The following AHDC1 variants were observed in gnomAD, a reference collection of about 807,000 sequenced individuals.
AHDC1 encodes transcription factor Gibbin.
A neutral mutation model predicts 87.9 loss-of-function variants in AHDC1; 7 were observed. That is an observed-to-expected ratio of 0.08 (90% CI 0.05 to 0.15). The LOEUF (loss-of-function observed/expected upper bound fraction) is 0.15. Among genes scored for constraint, AHDC1 ranks in the 10% least tolerant of loss-of-function variants. The pLI, the probability that AHDC1 is intolerant of heterozygous loss-of-function variation, is 1.00. For missense variants in AHDC1, 1,841 were observed against 2,253.2 expected (o/e 0.82, Z 3.70); for synonymous variants, 1,051 against 1,006.8 (o/e 1.04, Z -0.83).
rs1364466980 is a variant in AHDC1 at position 27,551,661 on chromosome 1, A to C, written c.455T>G (p.Leu152Arg). The change falls in exon 8 of 9, where the codon CTG (leucine) becomes CGG (arginine). Residue 152 changes from leucine (L) to arginine (R), a missense_variant. Physicochemically the swap from Leu to Arg is moderately radical, Grantham distance 102. This residue lies in a region of AHDC1 where 50 missense variants were observed against 104.3 expected (regional missense o/e 0.48). Transcript: ENST00000673934. The part of the protein sequence containing the change: ...GVHLDCGGLR[L>R]SRPPAPPPGD... ...GGGTGGCGGTGCAGGCGGGCGGCTC[A>C]GTCGGAGCCCACCACAGTCCAGGTG... 6.2e-7 allele frequency: 1 copy of C among 1,613,454 alleles called. No individual in the cohort carries two copies. The highest frequency in any genetic ancestry group is 8.5e-7 in the Non-Finnish European group (1 of 1,179,848).
At position 27,549,207 on chromosome 1, in the gene AHDC1, T is replaced by G. The variant is rs748411152; in HGVS notation, c.2909A>C (p.Gln970Pro). ...THPPANTYLP[Q>P]YGGYGAGQSV... Reference sequence around the variant, plus strand: ...TTGTCCGGCCCCATAGCCGCCGTACTGGGGCAGGTAGGTGTTGGCAGGCGG... The same window carrying G: ...TTGTCCGGCCCCATAGCCGCCGTACGGGGGCAGGTAGGTGTTGGCAGGCGG... The change falls in exon 8 of 9, where the codon CAG becomes CCG. Residue 970 changes from glutamine to proline, a missense_variant. Gln to Pro is a moderately conservative substitution (Grantham distance 76). This residue lies in a region of AHDC1 where 378 missense variants were observed against 399.0 expected (regional missense o/e 0.95). Transcript: ENST00000673934. The G allele has an allele frequency of 1.2e-6, 2 of 1,600,906 alleles. No individual in the cohort carries two copies. The highest frequency in any genetic ancestry group is 1.7e-6 in the Non-Finnish European group (2 of 1,173,460).
intron 8 of AHDC1, among the ~76,000 whole-genome samples, chr1:27,536,936 G>C (rs1172713959): frequency 6.6e-6 from 1 of 151,770 alleles, no homozygotes. Flanking sequence ...AGCCCAGCAG[G>C]CGGCTCCTGC....
At chr1:27,600,309 A>AC (rs1205197373) in intron 3 of AHDC1, among the ~76,000 whole-genome samples, 1 of 151,760 alleles carries the variant, frequency 6.6e-6, no homozygotes, top group Non-Finnish European at 1.5e-5. Flanking sequence ...GACCCAGGGG[A>AC]CCCAGAGACA....
At position 27,561,675 on chromosome 1, in the gene AHDC1, AAGAGAGAGAGAGGAAAAGAC is replaced by A. The variant is rs1054805791; in HGVS notation, c.-628-2812_-628-2793del. The stretch of plus-strand genomic sequence containing the variant: ...TTGCAGACACCAGCCGAGACCACAC[AAGAGAGAGAGAGGAAAAGAC>A]AGAGAGAGAGAGCGTGCCAGAGGGA... On this transcript the variant is annotated intron_variant, in intron 3 of 8. Transcript: ENST00000673934. The surrounding 1 kb of genome is among the most constrained non-coding windows in gnomAD (Gnocchi z 4.2). 6.6e-6 allele frequency among the ~76,000 whole-genome samples: 1 copy of A among 151,200 alleles called. No individual in the cohort carries two copies. Among genetic ancestry groups the A allele is most frequent in the African/African-American group, 2.4e-5 (1 of 41,278 alleles).
intron 3 of AHDC1, among the ~76,000 whole-genome samples, chr1:27,580,352 G>A (rs892949164): frequency 3.9e-5 from 6 of 152,260 alleles, no homozygotes; most frequent in African/African-American, 1.2e-4. Context: ...AATGAAATCC[G>A]CATCTCCAGC....
rs764456894 is a variant in AHDC1 at position 27,547,309 on chromosome 1, G to A, written c.4807C>T (p.Leu1603=). The change falls in exon 8 of 9, where the codon CTG becomes TTG. Residue 1603 remains leucine (L), a synonymous_variant. Coordinates refer to ENST00000673934, the MANE Select transcript of AHDC1 (RefSeq NM_001371928.1). This position sits in a 1 kb window ranked among gnomAD's most constrained non-coding sequence, Gnocchi z 4.9. Reference sequence around the variant, plus strand: ...AGTCGGCACTTCAGTTGGCACTACAGGGATGTGACGGTGAATGTGTCCTCG... The same window carrying A: ...AGTCGGCACTTCAGTTGGCACTACAAGGATGTGACGGTGAATGTGTCCTCG... ...HPEDTFTVTS[L] 2 of 1,539,726 alleles carry A rather than the reference G, an allele frequency of 1.3e-6. No homozygotes were observed. The highest frequency in any genetic ancestry group is 2.8e-5 in the African/African-American group (2 of 72,276).
At chr1:27,594,443 T>A (rs2089309084) in intron 3 of AHDC1, among the ~76,000 whole-genome samples, 1 of 152,214 alleles carries the variant, frequency 6.6e-6, no homozygotes, top group Admixed American at 6.5e-5. Context: ...GGCTGGGTAC[T>A]GAGAGTTCCT....
intron 3 of AHDC1, among the ~76,000 whole-genome samples, chr1:27,570,677 G>A (rs1274860991): frequency 6.6e-6 from 1 of 152,210 alleles, no homozygotes; most frequent in African/African-American, 2.4e-5. Context: ...CTGGGACCAG[G>A]TCTGTACCTG....
chr1:27,583,482 A>T (rs1214455822), intron 3 of AHDC1, among the ~76,000 whole-genome samples: 1 of 151,920 alleles, frequency 6.6e-6, no homozygotes, highest in African/African-American at 2.4e-5. Context: ...GAGAAAACCC[A>T]CTCGGGGAGT....
At chr1:27,568,825 T>A (rs2020441187) in intron 3 of AHDC1, among the ~76,000 whole-genome samples, 1 of 150,786 alleles carries the variant, frequency 6.6e-6, no homozygotes, top group Non-Finnish European at 1.5e-5. Context: ...AAACAGGGGA[T>A]CCCCCAGAGA....
chr1:27,577,747 G>T (rs928686039), intron 3 of AHDC1, among the ~76,000 whole-genome samples: 1 of 152,194 alleles, frequency 6.6e-6, no homozygotes, highest in East Asian at 1.9e-4. Context: ...GCTCTCTCAA[G>T]GGTCCAGCTG....
rs775492974 is a variant in AHDC1, at chr1:27,560,044, C to T, written c.-628-1161G>A. On this transcript the variant is annotated intron_variant, in intron 3 of 8. Transcript: ENST00000673934. The surrounding 1 kb of genome is among the most constrained non-coding windows in gnomAD (Gnocchi z 4.1). ...CTGTGTGGGTACATGTGGGCTTAAG[C>T]GTGTCCATGTGTGGGATCACGCGTT... is the stretch of plus-strand genomic sequence containing the variant. 3.9e-5 allele frequency among the ~76,000 whole-genome samples: 6 copies of T among 152,152 alleles called. No individual in the cohort carries two copies. The highest frequency in any genetic ancestry group is 2.1e-4 in the South Asian group (1 of 4,832).
rs775955092 is a variant in AHDC1 at position 27,563,132 on chromosome 1, CGCAT to C, written c.-628-4253_-628-4250del. Among the ~76,000 whole-genome samples, 35 of 151,648 alleles carry C rather than the reference CGCAT, an allele frequency of 2.3e-4. No homozygotes were observed. Among genetic ancestry groups the C allele is most frequent in the Admixed American group, 1.3e-3 (20 of 15,238 alleles). The stretch of plus-strand genomic sequence containing the variant: ...ACCAAGACACACACACACGCACGCA[CGCAT>C]GCATGCACACACCCACACAAAGAAC... On this transcript the variant is annotated intron_variant, in intron 3 of 8. Coordinates refer to ENST00000673934, the MANE Select transcript of AHDC1 (RefSeq NM_001371928.1). The surrounding 1 kb of genome is among the most constrained non-coding windows in gnomAD (Gnocchi z 6.1).
intron 3 of AHDC1, among the ~76,000 whole-genome samples, chr1:27,574,471 T>C (rs1393772368): frequency 6.6e-6 from 1 of 152,210 alleles, no homozygotes; most frequent in Non-Finnish European, 1.5e-5. Context: ...TCTAGTGTTA[T>C]CTAGTTTTTC....
chr1:27,537,844 G>T (rs140918478), intron 8 of AHDC1, among the ~76,000 whole-genome samples: 87 of 152,330 alleles, frequency 5.7e-4, no homozygotes, highest in East Asian at 2.7e-3. Context: ...TCAAGGGGGG[G>T]ACTGGCACTG....
rs1489121979 is a variant in AHDC1 at position 27,565,115 on chromosome 1, T to G, written c.-628-6232A>C. On this transcript the variant is annotated intron_variant, in intron 3 of 8. Coordinates refer to ENST00000673934, the MANE Select transcript of AHDC1 (RefSeq NM_001371928.1). This position sits in a 1 kb window ranked among gnomAD's most constrained non-coding sequence, Gnocchi z 4.6. The stretch of plus-strand genomic sequence containing the variant: ...CGGCGATCTGGGCGGCTGGCAGGCA[T>G]GCTCGCTCCCGCGCAGGGAAGCGGC... 6.6e-6 allele frequency among the ~76,000 whole-genome samples: 1 copy of G among 152,196 alleles called. No individual in the cohort carries two copies. Among genetic ancestry groups the G allele is most frequent in the Admixed American group, 6.5e-5 (1 of 15,286 alleles).
intron 8 of AHDC1, among the ~76,000 whole-genome samples, chr1:27,543,249 C>A (rs975055968): frequency 3.9e-5 from 6 of 152,234 alleles, no homozygotes; most frequent in Non-Finnish European, 5.9e-5. Flanking sequence ...GCCCTTCATA[C>A]CCTCCCACCC....
At chr1:27,538,557 C>A (rs1397064498) in intron 8 of AHDC1, among the ~76,000 whole-genome samples, 1 of 151,696 alleles carries the variant, frequency 6.6e-6, no homozygotes, top group Non-Finnish European at 1.5e-5. Flanking sequence ...CTCTATCACC[C>A]AGGCTAGAGT....
chr1:27,550,838 C>T lies in AHDC1; in HGVS notation c.1278G>A (p.Leu426=). 1 of 1,567,500 alleles carries T rather than the reference C, an allele frequency of 6.4e-7. No homozygotes were observed. The highest frequency in any genetic ancestry group is 8.6e-7 in the Non-Finnish European group (1 of 1,159,240). ...GAGGCGGTGGTGGTGGGGGTTCGGC[C>T]AGGGCAGCCACCAGCCCCGTGGGCA... ...LPMPTGLVAA[L]AEPPPPPPPP... Residue 426 remains leucine, a synonymous_variant, in exon 8 of 9, where the codon CTG becomes CTA. Transcript: ENST00000673934.
Sources: allele counts gnomAD v4.1 joint callset (sites outside exome capture counted in the v4.1 genomes callset), GRCh38; gene constraint gnomAD v4.1.1; regional missense constraint gnomAD v4.1.1; non-coding constraint Gnocchi (gnomAD v3.1); transcripts MANE v1.5; gene names NCBI Gene and HGNC (gene_info 2026-07-23, HGNC 2026-07-21).